The following DNAH14 variants were observed in gnomAD, a reference collection of about 807,000 sequenced individuals.
The protein encoded by DNAH14 is dynein axonemal heavy chain 14.
DNAH14 carries 478 observed loss-of-function variants against 520.9 expected under a neutral mutation model. The observed-to-expected ratio is 0.92, with a 90% confidence interval of 0.85 to 0.99. The LOEUF (loss-of-function observed/expected upper bound fraction) is 0.99. DNAH14 is among the 50% of genes least tolerant of loss of function. DNAH14 has a pLI of 0.00. For missense variants in DNAH14, 4,831 were observed against 5,234.5 expected, an observed-to-expected ratio of 0.92 and a Z score of 2.38; for synonymous variants, 1,581 against 1,757.2, an observed-to-expected ratio of 0.90 and a Z score of 2.51.
At chr1:225,220,387 A>G (rs977074403) in intron 41 of DNAH14, among the ~76,000 whole-genome samples, 1 of 152,204 alleles carries the variant, frequency 6.6e-6, no homozygotes, top group Non-Finnish European at 1.5e-5. Flanking sequence ...CGCAAATGAC[A>G]TGATTGTACA....
At chr1:225,148,787 G>A (rs2080204531) in intron 31 of DNAH14, among the ~76,000 whole-genome samples, 1 of 152,084 alleles carries the variant, frequency 6.6e-6, no homozygotes, top group Non-Finnish European at 1.5e-5. Flanking sequence ...CTTTTTAATA[G>A]AGTTGTTTGT....
rs566707807 is a variant in DNAH14 at position 225,354,323 on chromosome 1, C to T, written c.11619+435C>T. The T allele has an allele frequency of 3.0e-5, 21 of 696,252 alleles. No homozygotes were observed. In the African/African-American group the frequency reaches 3.1e-4, roughly 10 times the overall value. 43.1% of individuals were successfully genotyped at this position (696,252 alleles called of 1,614,324 possible). ...TGTATGAGGAAGCACATTTTTGCCT[C>T]ATACCTAAACCACATCCACCAACAT... On this transcript the variant is annotated intron_variant, in intron 73 of 85. Coordinates refer to ENST00000682510, the MANE Select transcript of DNAH14 (RefSeq NM_001367479.1).
chr1:225,004,249 T>G (rs940129281), intron 9 of DNAH14, among the ~76,000 whole-genome samples: 1 of 152,128 alleles, frequency 6.6e-6, no homozygotes, highest in African/African-American at 2.4e-5. Flanking sequence ...GAAAACTAAT[T>G]CTAGAGATAG....
rs956127682 is a variant in DNAH14, at chr1:225,270,679, A to G, written c.7540-56A>G. 4.0e-6 allele frequency: 6 copies of G among 1,484,340 alleles called. No individual in the cohort carries two copies. In the Admixed American group the frequency reaches 6.2e-5, roughly 15 times the overall value. 91.9% of individuals were successfully genotyped at this position (1,484,340 alleles called of 1,614,324 possible). A position where few individuals can be genotyped will look rare whatever the true frequency, so the allele number is the denominator to read the frequency against. Reference sequence around the variant, plus strand: ...CAATTTGGGACAGAGACGTAGGTACATACTTCACTTCCTACAGATACATTC... The same window carrying G: ...CAATTTGGGACAGAGACGTAGGTACGTACTTCACTTCCTACAGATACATTC... On this transcript the variant is annotated intron_variant, in intron 49 of 85. Coordinates refer to ENST00000682510, the MANE Select transcript of DNAH14 (RefSeq NM_001367479.1).
intron 23 of DNAH14, among the ~76,000 whole-genome samples, chr1:225,117,347 T>G (rs1364083540): frequency 6.6e-6 from 1 of 151,328 alleles, no homozygotes; most frequent in African/African-American, 2.4e-5. Flanking sequence ...AATACTTTAT[T>G]ATTTTGATCA....
At chr1:225,108,519 TC>T (rs2076259748) in intron 23 of DNAH14, among the ~76,000 whole-genome samples, 1 of 152,212 alleles carries the variant, frequency 6.6e-6, no homozygotes, top group Non-Finnish European at 1.5e-5. Flanking sequence ...TCTATTCAGA[TC>T]TTTTGCCCAT....
At chr1:225,235,260 A>G (rs1187845220) in intron 42 of DNAH14, among the ~76,000 whole-genome samples, 5 of 152,200 alleles carry the variant, frequency 3.3e-5, no homozygotes, top group Non-Finnish European at 5.9e-5. Flanking sequence ...AAGGATGTTG[A>G]ATTATATCAA....
intron 23 of DNAH14, among the ~76,000 whole-genome samples, chr1:225,104,059 G>A (rs893467233): frequency 1.3e-5 from 2 of 152,130 alleles, no homozygotes; most frequent in Non-Finnish European, 1.5e-5. Context: ...TTTGAGATAC[G>A]TCCCCTCAAT....
At chr1:224,955,686 T>C (rs1391678775) in intron 3 of DNAH14, among the ~76,000 whole-genome samples, 1 of 152,198 alleles carries the variant, frequency 6.6e-6, no homozygotes, top group Non-Finnish European at 1.5e-5. Context: ...TCCTCTCCTT[T>C]AAAGTAAATC....
At chr1:224,979,803 C>G (rs2062132369) in intron 8 of DNAH14, among the ~76,000 whole-genome samples, 1 of 152,152 alleles carries the variant, frequency 6.6e-6, no homozygotes, top group Non-Finnish European at 1.5e-5. Context: ...GAGACCAACT[C>G]AGCCACAGTA....
chr1:225,154,420 A>T (rs2080830522), intron 34 of DNAH14, among the ~76,000 whole-genome samples: 1 of 152,138 alleles, frequency 6.6e-6, no homozygotes, highest in Non-Finnish European at 1.5e-5. Flanking sequence ...AAAATATTAA[A>T]AAGCAAGAGT....
intron 1 of DNAH14, among the ~76,000 whole-genome samples, chr1:224,931,343 A>G (rs1454274366): frequency 1.3e-5 from 2 of 152,212 alleles, no homozygotes; most frequent in African/African-American, 4.8e-5. Flanking sequence ...TATTATTGAA[A>G]AATTTATTTT....
At chr1:225,377,789 G>A (rs1001822369) in intron 79 of DNAH14, among the ~76,000 whole-genome samples, 5 of 151,450 alleles carry the variant, frequency 3.3e-5, no homozygotes, top group African/African-American at 7.3e-5. Context: ...CAATTTGTAC[G>A]TCTAACAAAT....
chr1:225,300,789 T>G (rs945767576), intron 55 of DNAH14, 80 bp from the exon 56 acceptor site: 4 of 1,406,948 alleles, frequency 2.8e-6, no homozygotes, highest in Non-Finnish European at 3.8e-6. Flanking sequence ...TGTTGCTTTC[T>G]TGCTTCCTCA....
intron 79 of DNAH14, among the ~76,000 whole-genome samples, chr1:225,379,545 T>G (rs2095753147): frequency 6.6e-6 from 1 of 152,138 alleles, no homozygotes; most frequent in Non-Finnish European, 1.5e-5. Context: ...ATTTTTTTTT[T>G]GAGATAGAGT....
intron 23 of DNAH14, among the ~76,000 whole-genome samples, chr1:225,101,127 CT>C (rs2075411019): frequency 6.6e-6 from 1 of 151,034 alleles, no homozygotes. Context: ...GTTCCCTTAC[CT>C]TTTATTTTTT....
intron 29 of DNAH14, among the ~76,000 whole-genome samples, chr1:225,144,915 G>A (rs2079790555): frequency 6.6e-6 from 1 of 152,010 alleles, no homozygotes; most frequent in Non-Finnish European, 1.5e-5. Context: ...GTGTGTTTGT[G>A]TGTGTATGTG....
intron 8 of DNAH14, among the ~76,000 whole-genome samples, chr1:224,999,457 G>C (rs1232218556): frequency 6.6e-6 from 1 of 151,934 alleles, no homozygotes; most frequent in African/African-American, 2.4e-5. Context: ...TTCCTGCCTC[G>C]GCCTCCCAGA....
At chr1:225,233,011 T>C (rs1015155003) in intron 42 of DNAH14, among the ~76,000 whole-genome samples, 12 of 152,174 alleles carry the variant, frequency 7.9e-5, no homozygotes, top group Non-Finnish European at 1.5e-4. Context: ...CATGTGTCCA[T>C]GTGTTCTCAT....
Sources: gnomAD v4.1 joint callset for allele counts (sites outside exome capture counted in the v4.1 genomes callset) on GRCh38, gnomAD v4.1.1 for gene constraint, MANE v1.5 for transcripts, NCBI Gene and HGNC (gene_info 2026-07-23, HGNC 2026-07-21) for gene names.